ELOVL7: variants seen among roughly 807,000 people sequenced by gnomAD.
The protein encoded by ELOVL7 is ELOVL fatty acid elongase 7, also known as very long chain fatty acid elongase 7.
A neutral mutation model predicts 35.7 loss-of-function variants in ELOVL7; 27 were observed. The observed-to-expected ratio is 0.76, with a 90% CI of 0.56 to 1.04. The LOEUF (loss-of-function observed/expected upper bound fraction) is 1.04, where lower values mean the gene tolerates loss of function less well. Among genes scored for constraint, ELOVL7 ranks in the 50% least tolerant of loss-of-function variants. The pLI, the probability that ELOVL7 is intolerant of heterozygous loss-of-function variation, is 0.00. For missense variants in ELOVL7, 327 were observed against 340.8 expected (o/e 0.96, Z 0.32); for synonymous variants, 113 against 114.6 (o/e 0.99, Z 0.09).
At chr5:60,766,552 A>G (rs1375314809) in intron 6 of ELOVL7, 22 bp downstream of exon 6, 14 of 1,578,172 alleles carry the variant, frequency 8.9e-6, no homozygotes, top group Non-Finnish European at 1.2e-5. Flanking sequence ...ACATTTACCA[A>G]ATGTGGTGGC....
chr5:60,831,525 G>T (rs921453388), intron 1 of ELOVL7, among the ~76,000 whole-genome samples: 11 of 152,164 alleles, frequency 7.2e-5, no homozygotes, highest in Non-Finnish European at 4.4e-5. Context: ...AGTATTTATT[G>T]TATACATCAT....
chr5:60,802,225 T>C (rs1405439587), intron 1 of ELOVL7, among the ~76,000 whole-genome samples: 1 of 151,638 alleles, frequency 6.6e-6, no homozygotes, highest in Non-Finnish European at 1.5e-5. Context: ...ACTTTAGGTA[T>C]GGGATTGGGT....
intron 1 of ELOVL7, among the ~76,000 whole-genome samples, chr5:60,829,799 A>G (rs931366715): frequency 2.6e-5 from 4 of 152,218 alleles, no homozygotes; most frequent in African/African-American, 9.6e-5. Context: ...GACATACAAT[A>G]TCTTACATCA....
chr5:60,823,643 T>G (rs747040421), intron 1 of ELOVL7, among the ~76,000 whole-genome samples: 2 of 152,286 alleles, frequency 1.3e-5, no homozygotes, highest in African/African-American at 2.4e-5. Context: ...GGTAGAGGGT[T>G]TTTTAGAGAT....
At chr5:60,842,062 T>C (rs1213557578) in intron 1 of ELOVL7, among the ~76,000 whole-genome samples, 1 of 152,228 alleles carries the variant, frequency 6.6e-6, no homozygotes, top group African/African-American at 2.4e-5. Context: ...CTACTAGCTG[T>C]AAGGCCTGAA....
intron 1 of ELOVL7, among the ~76,000 whole-genome samples, chr5:60,805,899 G>A (rs748092604): frequency 3.3e-5 from 5 of 152,104 alleles, no homozygotes; most frequent in African/African-American, 1.2e-4. Flanking sequence ...GCATGTAGCA[G>A]GAAACATGTG....
intron 1 of ELOVL7, among the ~76,000 whole-genome samples, chr5:60,834,826 T>G (rs983109081): frequency 6.7e-6 from 1 of 150,368 alleles, no homozygotes; most frequent in African/African-American, 2.5e-5. Flanking sequence ...AATGAAAAAT[T>G]TATTTAGATA....
intron 1 of ELOVL7, among the ~76,000 whole-genome samples, chr5:60,807,448 G>A (rs1744994487): frequency 6.6e-6 from 1 of 151,424 alleles, no homozygotes; most frequent in South Asian, 2.1e-4. Flanking sequence ...CAAAAACACT[G>A]AGGGAAAGAG....
chr5:60,790,627 G>A (rs947547672), intron 2 of ELOVL7, among the ~76,000 whole-genome samples: 1 of 152,096 alleles, frequency 6.6e-6, no homozygotes, highest in African/African-American at 2.4e-5. Context: ...GAGTCTGTCT[G>A]GACTCTTTAT....
chr5:60,780,611 A>G (rs1743189757), intron 3 of ELOVL7, among the ~76,000 whole-genome samples: 1 of 152,216 alleles, frequency 6.6e-6, no homozygotes, highest in African/African-American at 2.4e-5. Flanking sequence ...GGTAATTTAT[A>G]AAGCAAAGAG....
At chr5:60,812,429 G>T (rs1745287837) in intron 1 of ELOVL7, among the ~76,000 whole-genome samples, 2 of 152,044 alleles carry the variant, frequency 1.3e-5, no homozygotes, top group South Asian at 4.1e-4. Context: ...GACCTATGTT[G>T]TTCAATAACA....
chr5:60,814,412 C>T (rs928922475), intron 1 of ELOVL7, among the ~76,000 whole-genome samples: 1 of 152,072 alleles, frequency 6.6e-6, no homozygotes, highest in East Asian at 1.9e-4. Flanking sequence ...GGATCTGACC[C>T]AGCATACCAC....
At chr5:60,806,193 G>A (rs1231751054) in intron 1 of ELOVL7, among the ~76,000 whole-genome samples, 1 of 152,160 alleles carries the variant, frequency 6.6e-6, no homozygotes, top group Non-Finnish European at 1.5e-5. Flanking sequence ...CCCTCAGAGA[G>A]AACCAACCCT....
chr5:60,805,239 C>CT (rs2112300072), intron 1 of ELOVL7, among the ~76,000 whole-genome samples: 1 of 152,294 alleles, frequency 6.6e-6, no homozygotes, highest in East Asian at 1.9e-4. Flanking sequence ...AGGCCAAACA[C>CT]TTTTTTAGGT....
At chr5:60,774,567 ATTATCT>A (rs2112191053) in intron 3 of ELOVL7, among the ~76,000 whole-genome samples, 2 of 152,302 alleles carry the variant, frequency 1.3e-5, no homozygotes, top group East Asian at 3.9e-4. Flanking sequence ...CGCTGGAAGT[ATTATCT>A]TTAAGAGCTG....
At chr5:60,785,913 C>T (rs908997389) in intron 3 of ELOVL7, 1 of 152,176 alleles carries the variant, frequency 6.6e-6, no homozygotes, top group East Asian at 1.9e-4. Context: ...GAGAAAGCTG[C>T]AAATGATGAA....
intron 1 of ELOVL7, among the ~76,000 whole-genome samples, chr5:60,816,083 A>G (rs544199729): frequency 5.4e-4 from 83 of 152,312 alleles, no homozygotes; most frequent in African/African-American, 1.8e-3. Flanking sequence ...TGTCATTTAG[A>G]AGAGTTTTGG....
At chr5:60,825,625 T>C (rs1349405044) in intron 1 of ELOVL7, among the ~76,000 whole-genome samples, 1 of 152,166 alleles carries the variant, frequency 6.6e-6, no homozygotes, top group Non-Finnish European at 1.5e-5. Flanking sequence ...AATGAATGGA[T>C]GGATGAACCT....
chr5:60,840,261 A>G (rs1272864891), intron 1 of ELOVL7, among the ~76,000 whole-genome samples: 1 of 152,184 alleles, frequency 6.6e-6, no homozygotes, highest in Non-Finnish European at 1.5e-5. Flanking sequence ...ATTTTTGCAG[A>G]TGTTAAAATG....
Sources: allele counts gnomAD v4.1 joint callset (sites outside exome capture counted in the v4.1 genomes callset), GRCh38; gene constraint gnomAD v4.1.1; transcripts MANE v1.5; gene names NCBI Gene and HGNC (gene_info 2026-07-23, HGNC 2026-07-21).